LOC400499: variants seen among roughly 807,000 people sequenced by gnomAD.
the LOC400499 span, chr16:11,478,688 G>A: frequency 2.5e-6 from 1 of 399,170 alleles, no homozygotes; most frequent in Non-Finnish European, 4.4e-6. Context: ...CGGGTCACCT[G>A]GGGGAGAGCC....
At chr16:11,488,778 T>C in the LOC400499 span, 4 of 398,806 alleles carry the variant, frequency 1.0e-5, no homozygotes, top group Non-Finnish European at 1.8e-5. Flanking sequence ...TGGCTGAGGA[T>C]GTCCTCGGGG....
At chr16:11,448,201 T>G in the LOC400499 span, 1 of 1,223,120 alleles carries the variant, frequency 8.2e-7, no homozygotes, top group Non-Finnish European at 1.1e-6. Flanking sequence ...TATCCGAGAA[T>G]GGCTACTGAA....
At chr16:11,447,699 A>C in the LOC400499 span, among the ~76,000 whole-genome samples, 2 of 152,074 alleles carry the variant, frequency 1.3e-5, no homozygotes, top group Admixed American at 6.6e-5. Flanking sequence ...GCTCCAGGCT[A>C]GGATGATGAG....
At chr16:11,392,574 G>A in the LOC400499 span, 6,042 of 396,718 alleles carry the variant, frequency 0.015, 165 homozygotes, top group African/African-American at 0.061. Context: ...ACCGCTTTCC[G>A]TAGCTCCCCA....
chr16:11,504,604 C>T, the LOC400499 span, among the ~76,000 whole-genome samples: 1 of 151,870 alleles, frequency 6.6e-6, no homozygotes, highest in African/African-American at 2.4e-5. Flanking sequence ...AAACTGCCAT[C>T]CCCATCACCA....
chr16:11,403,578 T>A, the LOC400499 span, among the ~76,000 whole-genome samples: 1 of 152,160 alleles, frequency 6.6e-6, no homozygotes, highest in South Asian at 2.1e-4. Context: ...ATGTGGCAAA[T>A]GTGACGCTGG....
At chr16:11,429,193 A>C in the LOC400499 span, among the ~76,000 whole-genome samples, 1 of 152,118 alleles carries the variant, frequency 6.6e-6, no homozygotes, top group African/African-American at 2.4e-5. Flanking sequence ...CGGATTTCTT[A>C]AACAGTTTAG....
the LOC400499 span, among the ~76,000 whole-genome samples, chr16:11,482,283 C>A: frequency 3.3e-5 from 5 of 152,168 alleles, no homozygotes; most frequent in Non-Finnish European, 4.4e-5. Flanking sequence ...CCAGGGGACT[C>A]CCTGAACTGA....
chr16:11,469,721 A>G, the LOC400499 span: 22 of 398,756 alleles, frequency 5.5e-5, no homozygotes, highest in African/African-American at 4.1e-4. Context: ...CCCTTCAGAC[A>G]CTCACATTGT....
At chr16:11,385,255 C>G in the LOC400499 span, 3 of 1,232,270 alleles carry the variant, frequency 2.4e-6, no homozygotes, top group Non-Finnish European at 1.0e-6. Context: ...TTAAGTTCCA[C>G]GAACAGGGCT....
At chr16:11,487,185 A>C in the LOC400499 span, 2 of 398,510 alleles carry the variant, frequency 5.0e-6, no homozygotes, top group African/African-American at 4.1e-5. Flanking sequence ...ATGGACAGAC[A>C]GGTAAGTGAC....
chr16:11,475,568 C>G, the LOC400499 span: 6 of 398,356 alleles, frequency 1.5e-5, no homozygotes, highest in African/African-American at 2.1e-5. Context: ...GGCATTTTTC[C>G]CTTCAACCCT....
the LOC400499 span, among the ~76,000 whole-genome samples, chr16:11,430,414 C>T: frequency 5.3e-5 from 8 of 152,124 alleles, no homozygotes; most frequent in African/African-American, 1.2e-4. Flanking sequence ...TGCTTGTACC[C>T]GGGAGGCGGA....
At chr16:11,382,765 G>A in the LOC400499 span, among the ~76,000 whole-genome samples, 1 of 152,192 alleles carries the variant, frequency 6.6e-6, no homozygotes, top group South Asian at 2.1e-4. Context: ...AGCCGAGATT[G>A]TGCCACTGCA....
chr16:11,385,553 T>A, the LOC400499 span: 5 of 516,366 alleles, frequency 9.7e-6, no homozygotes, highest in East Asian at 1.0e-4. Flanking sequence ...CCCCCTCCCC[T>A]GGCGCAGCAG....
the LOC400499 span, chr16:11,448,774 G>C: frequency 2.0e-6 from 1 of 496,356 alleles, no homozygotes. Context: ...GAAAGAGAAA[G>C]AGAAATAGAG....
At chr16:11,499,429 T>A in the LOC400499 span, among the ~76,000 whole-genome samples, 3 of 151,940 alleles carry the variant, frequency 2.0e-5, no homozygotes, top group South Asian at 6.2e-4. Context: ...GTTCTGGCAT[T>A]CCTGGTGGCC....
the LOC400499 span, among the ~76,000 whole-genome samples, chr16:11,481,009 G>A: frequency 6.6e-6 from 1 of 152,200 alleles, no homozygotes; most frequent in African/African-American, 2.4e-5. Context: ...GATGAAATAT[G>A]ACTTGACCTT....
the LOC400499 span, among the ~76,000 whole-genome samples, chr16:11,487,680 G>C: frequency 2.0e-5 from 3 of 152,200 alleles, no homozygotes; most frequent in Non-Finnish European, 4.4e-5. Flanking sequence ...TAGGTTGAAA[G>C]AGATTCCCTT....
Sources: allele counts gnomAD v4.1 joint callset (sites outside exome capture counted in the v4.1 genomes callset), GRCh38; gene constraint gnomAD v4.1.1; transcripts MANE v1.5.